Variants in EVI5 observed in about 807,000 individuals in gnomAD.
The protein encoded by EVI5 is ecotropic viral integration site 5 protein homolog.
Under a neutral mutation model 112.0 loss-of-function variants are expected in EVI5, and 73 were observed. That is an observed-to-expected ratio of 0.65 (90% confidence interval 0.54 to 0.79). The LOEUF (loss-of-function observed/expected upper bound fraction) is 0.79, where lower values mean the gene tolerates loss of function less well. Ranked by LOEUF, EVI5 falls within the 30% of genes least tolerant of loss-of-function variation. EVI5 has a pLI of 0.00. For missense variants in EVI5, 900 were observed against 968.8 expected (o/e 0.93, Z 0.94); for synonymous variants, 305 against 319.9 (o/e 0.95, Z 0.50).
At chr1:92,524,799 T>C (rs1351995101) in intron 19 of EVI5, among the ~76,000 whole-genome samples, 1 of 152,016 alleles carries the variant, frequency 6.6e-6, no homozygotes, top group Non-Finnish European at 1.5e-5. Context: ...GAATATAGTC[T>C]TAGTTTACAG....
intron 9 of EVI5, among the ~76,000 whole-genome samples, chr1:92,679,815 T>C (rs1044384187): frequency 6.6e-6 from 1 of 152,196 alleles, no homozygotes; most frequent in Non-Finnish European, 1.5e-5. Context: ...TCTCATGTTT[T>C]TCTCATGATT....
intron 14 of EVI5, among the ~76,000 whole-genome samples, chr1:92,626,515 C>T (rs1490318149): frequency 6.6e-6 from 1 of 152,160 alleles, no homozygotes; most frequent in South Asian, 2.1e-4. Flanking sequence ...TAGACTTAGG[C>T]TTTCCATGTT....
At chr1:92,650,934 C>A (rs1661976126) in intron 13 of EVI5, among the ~76,000 whole-genome samples, 1 of 152,146 alleles carries the variant, frequency 6.6e-6, no homozygotes, top group Non-Finnish European at 1.5e-5. Flanking sequence ...ATCTTCATAT[C>A]ATTGAGTCTC....
chr1:92,547,197 CT>C (rs1362565808), intron 19 of EVI5, among the ~76,000 whole-genome samples: 2 of 152,198 alleles, frequency 1.3e-5, no homozygotes, highest in Admixed American at 6.5e-5. Flanking sequence ...AAGAAACTCA[CT>C]CAAAACTGAT....
intron 16 of EVI5, among the ~76,000 whole-genome samples, chr1:92,611,698 C>CAAAA (rs35037095): frequency 5.6e-5 from 5 of 88,570 alleles, no homozygotes; most frequent in African/African-American, 1.4e-4. Flanking sequence ...GACTCCGTCA[C>CAAAA]AAAAAAAAAA....
chr1:92,656,559 GAAC>G (rs1258606693), intron 13 of EVI5, among the ~76,000 whole-genome samples: 3 of 151,478 alleles, frequency 2.0e-5, no homozygotes, highest in African/African-American at 4.9e-5. Flanking sequence ...ATGAAACTGA[GAAC>G]AACAACAACA....
intron 16 of EVI5, chr1:92,622,284 T>C (rs1442255724): frequency 2.3e-6 from 1 of 442,224 alleles, no homozygotes; most frequent in Non-Finnish European, 4.5e-6. Context: ...CAATCCTTTG[T>C]ACTTGGTTTT....
chr1:92,550,806 AT>A (rs1486769797), intron 19 of EVI5, among the ~76,000 whole-genome samples: 37 of 110,790 alleles, frequency 3.3e-4, no homozygotes, highest in African/African-American at 1.3e-3. Flanking sequence ...ATATATATAT[AT>A]ATATATAACA....
At chr1:92,532,015 C>G (rs1369586384) in intron 19 of EVI5, among the ~76,000 whole-genome samples, 1 of 152,058 alleles carries the variant, frequency 6.6e-6, no homozygotes, top group Non-Finnish European at 1.5e-5. Flanking sequence ...AGGCAAGACC[C>G]ATCAGTGTGC....
intron 16 of EVI5, among the ~76,000 whole-genome samples, chr1:92,614,294 A>C (rs1337282257): frequency 1.3e-5 from 2 of 152,224 alleles, no homozygotes; most frequent in Non-Finnish European, 2.9e-5. Context: ...CAAAAAAATT[A>C]CAAAGCATAG....
intron 13 of EVI5, among the ~76,000 whole-genome samples, chr1:92,649,277 G>C (rs545006206): frequency 6.6e-6 from 1 of 152,298 alleles, no homozygotes; most frequent in East Asian, 1.9e-4. Context: ...GGTAGATCCT[G>C]ATCAGCTACA....
intron 1 of EVI5, among the ~76,000 whole-genome samples, chr1:92,768,483 G>A (rs1477662415): frequency 6.6e-6 from 1 of 152,206 alleles, no homozygotes; most frequent in Non-Finnish European, 1.5e-5. Context: ...ACTTCCGTCA[G>A]AGCTTATGCT....
At chr1:92,586,959 A>G (rs1321696293) in intron 18 of EVI5, among the ~76,000 whole-genome samples, 1 of 152,020 alleles carries the variant, frequency 6.6e-6, no homozygotes, top group East Asian at 1.9e-4. Context: ...GTGAGCATAT[A>G]TATTATGGTA....
At chr1:92,589,710 G>C (rs923972359) in intron 18 of EVI5, among the ~76,000 whole-genome samples, 58 of 152,308 alleles carry the variant, frequency 3.8e-4, no homozygotes, top group Non-Finnish European at 6.8e-4. Context: ...CCAAACAAAA[G>C]GCAGCAGAAA....
chr1:92,544,057 T>C (rs1224660846), intron 19 of EVI5, among the ~76,000 whole-genome samples: 2 of 152,098 alleles, frequency 1.3e-5, no homozygotes, highest in Non-Finnish European at 2.9e-5. Flanking sequence ...TTATACTAAG[T>C]GAAAAAGCCA....
intron 19 of EVI5, among the ~76,000 whole-genome samples, chr1:92,561,982 G>A (rs1557791672): frequency 6.6e-6 from 1 of 152,214 alleles, no homozygotes; most frequent in East Asian, 1.9e-4. Flanking sequence ...GAAAGTTAAT[G>A]TTTGTTGACT....
chr1:92,524,744 AGGT>A (rs913038751), intron 19 of EVI5, among the ~76,000 whole-genome samples: 9 of 152,158 alleles, frequency 5.9e-5, no homozygotes, highest in Admixed American at 5.9e-4. Context: ...CTTCATATCC[AGGT>A]GACAAGCCAT....
At chr1:92,619,629 C>T (rs1654061242) in intron 16 of EVI5, among the ~76,000 whole-genome samples, 1 of 151,554 alleles carries the variant, frequency 6.6e-6, no homozygotes, top group African/African-American at 2.4e-5. Context: ...AAAAGAAAAG[C>T]TAGAGATGAG....
chr1:92,643,719 T>A (rs1160167467), intron 13 of EVI5, among the ~76,000 whole-genome samples: 4 of 152,232 alleles, frequency 2.6e-5, no homozygotes, highest in Non-Finnish European at 5.9e-5. Flanking sequence ...CAAAATTAGT[T>A]AAAAATAAAC....
Sources: gnomAD v4.1 joint callset for allele counts (sites outside exome capture counted in the v4.1 genomes callset) on GRCh38, gnomAD v4.1.1 for gene constraint, MANE v1.5 for transcripts, NCBI Gene and HGNC (gene_info 2026-07-23, HGNC 2026-07-21) for gene names.